ESR2: variants seen among roughly 807,000 people sequenced by gnomAD.
ESR2 encodes estrogen receptor 2.
In ESR2, 36 loss-of-function variants were observed where a neutral mutation model predicts 49.6. The ratio of observed to expected loss-of-function variants is 0.73; its 90% confidence interval spans 0.56 to 0.96. ESR2 has a LOEUF of 0.96. Ranked by LOEUF, ESR2 falls within the 40% of genes least tolerant of loss-of-function variation. The pLI is 0.00. For synonymous variants in ESR2, 320 were observed against 266.1 expected (o/e 1.20, Z -1.97); for missense variants, 714 against 693.0 (o/e 1.03, Z -0.34).
At chr14:64,246,826 C>A (rs1387277533) in intron 7 of ESR2, among the ~76,000 whole-genome samples, 1 of 149,784 alleles carries the variant, frequency 6.7e-6, no homozygotes, top group African/African-American at 2.5e-5. Context: ...ATAAGCTGGG[C>A]CCTCATGTTA....
chr14:64,297,016 CA>C (rs2076965411), upstream of ESR2, among the ~76,000 whole-genome samples: 2 of 152,052 alleles, frequency 1.3e-5, no homozygotes, highest in Non-Finnish European at 2.9e-5. Context: ...ATGGCTAGAC[CA>C]AAAAGCCCCC....
chr14:64,279,678 A>G (rs1045047744), intron 3 of ESR2, among the ~76,000 whole-genome samples: 4 of 152,180 alleles, frequency 2.6e-5, no homozygotes, highest in Non-Finnish European at 5.9e-5. Context: ...TTGTGAGCAC[A>G]TTTTTTCCAA....
In ESR2 at chr14:64,261,238, T is replaced by C. The variant is rs1187259266; in HGVS notation, c.653-490A>G. Reference sequence around the variant, plus strand: ...TTTTAATGCTTTTATTTTTCTTTTTTCTTTTTTTTTTTTTTTTGAGACGGA... The same window carrying C: ...TTTTAATGCTTTTATTTTTCTTTTTCCTTTTTTTTTTTTTTTTGAGACGGA... On this transcript the variant is annotated intron_variant, in intron 4 of 8. Coordinates refer to ENST00000341099, the MANE Select transcript of ESR2 (RefSeq NM_001437.3). 6.5e-4 allele frequency among the ~76,000 whole-genome samples: 63 copies of C among 96,892 alleles called. 1 individual carries two copies. Among genetic ancestry groups the C allele is most frequent in the African/African-American group, 2.1e-3 (61 of 28,590 alleles). 63.6% of individuals were successfully genotyped at this position (96,892 alleles called of 152,430 possible).
At chr14:64,236,600 T>C (rs1256062) in intron 7 of ESR2, among the ~76,000 whole-genome samples, 31,878 of 151,982 alleles carry the variant, frequency 0.21, 4,578 homozygotes, top group East Asian at 0.46. Flanking sequence ...ACACCTCGCC[T>C]TGAGTCCCCC....
At chr14:64,247,179 A>G (rs1171909417) in intron 7 of ESR2, among the ~76,000 whole-genome samples, 1 of 152,242 alleles carries the variant, frequency 6.6e-6, no homozygotes, top group Admixed American at 6.5e-5. Flanking sequence ...CGACAGAGTA[A>G]TTTTAAATCA....
chr14:64,318,347 A>G (rs547480324), intron 1 of ESR2, among the ~76,000 whole-genome samples: 1 of 150,980 alleles, frequency 6.6e-6, no homozygotes, highest in South Asian at 2.1e-4. Flanking sequence ...GACCAGCCTG[A>G]CCAACATAGT....
chr14:64,295,742 G>T (rs1005575136), upstream of ESR2, among the ~76,000 whole-genome samples: 4 of 151,904 alleles, frequency 2.6e-5, no homozygotes, highest in African/African-American at 9.7e-5. Context: ...GTTAAATGAT[G>T]GTTTAAAAAA....
intron 1 of ESR2, among the ~76,000 whole-genome samples, chr14:64,283,307 C>G (rs2076718789): frequency 6.6e-6 from 1 of 151,938 alleles, no homozygotes; most frequent in South Asian, 2.1e-4. Flanking sequence ...AGTTTAAGCA[C>G]AAGAGTTTAA....
chr14:64,249,904 A>G (rs2075955854), intron 6 of ESR2, among the ~76,000 whole-genome samples: 3 of 152,234 alleles, frequency 2.0e-5, no homozygotes, highest in African/African-American at 7.2e-5. Flanking sequence ...AAATCCCTGA[A>G]GTAAATATAT....
In ESR2 at chr14:64,282,914, G is replaced by T. The variant is rs957797985; in HGVS notation, c.72C>A (p.Pro24=). ...GTATGTATATGGAGCCGTGCTCCAG[G>T]GGTAAGATGGATTGACTGCAGTTGT... The part of the protein sequence containing the change: ...SSYNCSQSIL[P]LEHGSIYIPS... The change falls in exon 2 of 9, where the codon CCC becomes CCA. Residue 24 remains proline, a synonymous_variant. Transcript: ENST00000341099. 4 of 1,613,766 alleles carry T rather than the reference G, an allele frequency of 2.5e-6. No homozygotes were observed. The African/African-American group carries it at 5.3e-5, about 22-fold the overall frequency.
intron 3 of ESR2, 128 bp downstream of exon 3, chr14:64,279,853 C>G: frequency 1.3e-6 from 1 of 785,370 alleles, no homozygotes; most frequent in Admixed American, 2.0e-5. Flanking sequence ...ACATGATCCT[C>G]TGAACTGCTC....
intron 8 of ESR2, 167 bp from the exon 9 acceptor site, chr14:64,233,490 T>C (rs962835298): frequency 1.6e-6 from 1 of 630,288 alleles, no homozygotes; most frequent in East Asian, 2.7e-5. Context: ...CCTGATAATT[T>C]AGGCTCAAGG....
chr14:64,335,309 A>G (rs939931435), intron 1 of ESR2, among the ~76,000 whole-genome samples: 1 of 152,230 alleles, frequency 6.6e-6, no homozygotes, highest in Admixed American at 6.5e-5. Context: ...ATCATTTAAC[A>G]AAGCTATCTG....
intron 1 of ESR2, among the ~76,000 whole-genome samples, chr14:64,285,091 T>C (rs1384794753): frequency 6.6e-6 from 1 of 152,094 alleles, no homozygotes; most frequent in African/African-American, 2.4e-5. Context: ...CCTTGTGATT[T>C]GCCCGCCTCG....
At chr14:64,320,287 C>T (rs528062874) in intron 1 of ESR2, among the ~76,000 whole-genome samples, 4 of 151,924 alleles carry the variant, frequency 2.6e-5, no homozygotes, top group Non-Finnish European at 4.4e-5. Flanking sequence ...AAGATCAAGC[C>T]GGGCATGGTG....
upstream of ESR2, among the ~76,000 whole-genome samples, chr14:64,299,133 T>C (rs1358432398): frequency 6.6e-6 from 1 of 151,438 alleles, no homozygotes; most frequent in Non-Finnish European, 1.5e-5. Flanking sequence ...AGTCAGCCAG[T>C]GTAATATTCC....
chr14:64,291,866 C>T (rs1162107354), intron 1 of ESR2, among the ~76,000 whole-genome samples: 1 of 151,798 alleles, frequency 6.6e-6, no homozygotes, highest in African/African-American at 2.4e-5. Flanking sequence ...TTTCAGGTAG[C>T]TTTCTTAATC....
chr14:64,243,532 G>C (rs1395817949), intron 7 of ESR2, among the ~76,000 whole-genome samples: 1 of 152,194 alleles, frequency 6.6e-6, no homozygotes, highest in Non-Finnish European at 1.5e-5. Context: ...AATGGGATGT[G>C]TCTCTACTCT....
chr14:64,294,573 A>T (rs1190349474), upstream of ESR2, among the ~76,000 whole-genome samples: 1 of 152,184 alleles, frequency 6.6e-6, no homozygotes, highest in Non-Finnish European at 1.5e-5. Context: ...CGCTCCCCGC[A>T]GCCCCAGTCT....
Sources: gnomAD v4.1 joint callset for allele counts (sites outside exome capture counted in the v4.1 genomes callset) on GRCh38, gnomAD v4.1.1 for gene constraint, MANE v1.5 for transcripts, NCBI Gene and HGNC (gene_info 2026-07-23, HGNC 2026-07-21) for gene names.